Variants in DOK6 observed in about 807,000 individuals in gnomAD.
DOK6 encodes downstream of tyrosine kinase 6.
Under a neutral mutation model 44.0 loss-of-function variants are expected in DOK6, and 22 were observed. The ratio of observed to expected loss-of-function variants is 0.50; its 90% confidence interval spans 0.36 to 0.71. DOK6 has a LOEUF of 0.71. Ranked by LOEUF, DOK6 falls within the 30% of genes least tolerant of loss-of-function variation. DOK6 has a pLI of 0.00. For synonymous variants in DOK6, 166 were observed against 145.5 expected, an observed-to-expected ratio of 1.14 and a Z score of -1.01; for missense variants, 340 against 416.4, an observed-to-expected ratio of 0.82 and a Z score of 1.60.
At chr18:69,703,467 A>G (rs1189905179) in intron 5 of DOK6, among the ~76,000 whole-genome samples, 1 of 152,240 alleles carries the variant, frequency 6.6e-6, no homozygotes, top group Non-Finnish European at 1.5e-5. Flanking sequence ...AATATAATAT[A>G]GGAATTGTAA....
chr18:69,672,779 G>A (rs1358996749), intron 3 of DOK6, among the ~76,000 whole-genome samples: 1 of 151,738 alleles, frequency 6.6e-6, no homozygotes, highest in African/African-American at 2.4e-5. Context: ...AGAAAGTCAC[G>A]CCAGTTTTCA....
At chr18:69,585,003 T>C (rs1983466203) in intron 2 of DOK6, among the ~76,000 whole-genome samples, 1 of 101,132 alleles carries the variant, frequency 9.9e-6, no homozygotes, top group African/African-American at 2.5e-5. Flanking sequence ...AAATGGAGCT[T>C]TTGTTTAGAT....
At chr18:69,770,352 T>G (rs189546101) in intron 7 of DOK6, among the ~76,000 whole-genome samples, 5 of 152,196 alleles carry the variant, frequency 3.3e-5, no homozygotes, top group African/African-American at 1.2e-4. Flanking sequence ...GAAAGTTACA[T>G]AACTACCTTG....
At chr18:69,796,708 C>T (rs892380223) in intron 7 of DOK6, among the ~76,000 whole-genome samples, 3 of 152,192 alleles carry the variant, frequency 2.0e-5, no homozygotes, top group Non-Finnish European at 4.4e-5. Flanking sequence ...TGTACAAATA[C>T]TAGACAAAGC....
intron 1 of DOK6, among the ~76,000 whole-genome samples, chr18:69,409,141 C>T (rs1407661743): frequency 2.0e-5 from 3 of 152,116 alleles, no homozygotes. Context: ...AGGGGCTTCC[C>T]CCTTCACTGG....
intron 1 of DOK6, among the ~76,000 whole-genome samples, chr18:69,477,718 G>T (rs555274873): frequency 6.6e-6 from 1 of 152,220 alleles, no homozygotes; most frequent in African/African-American, 2.4e-5. Flanking sequence ...AAAAATTTTT[G>T]AACATTGATA....
intron 2 of DOK6, among the ~76,000 whole-genome samples, chr18:69,591,569 G>T (rs886116272): frequency 6.6e-6 from 1 of 151,164 alleles, no homozygotes; most frequent in Non-Finnish European, 1.5e-5. Context: ...CTCAAAACTG[G>T]ACTTTTCTGA....
In DOK6 at chr18:69,848,105, T is replaced by C. The variant is rs1210076579; in HGVS notation, c.*6722T>C. Reference sequence around the variant, plus strand: ...CACTCTGTGTGTTCCACTGAAGTTATCTTTTCCTTAATAGATTCACACAGA... The same window carrying C: ...CACTCTGTGTGTTCCACTGAAGTTACCTTTTCCTTAATAGATTCACACAGA... On this transcript the variant is annotated 3_prime_UTR_variant, in exon 8 of 8. Transcript: ENST00000382713. 2 of 152,136 alleles carry C rather than the reference T, an allele frequency of 1.3e-5. No homozygotes were observed. The highest frequency in any genetic ancestry group is 2.4e-5 in the African/African-American group (1 of 41,422). 9.4% of individuals were successfully genotyped at this position (152,136 alleles called of 1,614,324 possible).
chr18:69,480,754 T>C (rs896335213), intron 1 of DOK6, among the ~76,000 whole-genome samples: 38 of 152,092 alleles, frequency 2.5e-4, no homozygotes, highest in African/African-American at 6.5e-4. Flanking sequence ...CACAATACAG[T>C]GTGACGATTT....
rs375746029 is a variant in DOK6, at chr18:69,704,475, C to T, written c.599+5882C>T. On this transcript the variant is annotated intron_variant, in intron 5 of 7. Transcript: ENST00000382713. ...GTGTGTACATCAGGTCCAGATATGA[C>T]TTTTTTTTTTTTTTTTTTTTGGAGA... 1.0e-4 allele frequency among the ~76,000 whole-genome samples: 11 copies of T among 107,164 alleles called. No homozygotes were observed. In the East Asian group the frequency reaches 1.7e-3, roughly 16 times the overall value. The allele number at this position is 107,164 out of a possible 152,430, so 70.3% of individuals were successfully genotyped here.
chr18:69,698,983 T>C (rs78557080), intron 5 of DOK6, among the ~76,000 whole-genome samples: 5,979 of 152,336 alleles, frequency 0.039, 179 homozygotes, highest in East Asian at 0.095. Context: ...TGAGTGTTTT[T>C]TAATAAGCAA....
At chr18:69,435,930 C>T (rs1017821006) in intron 1 of DOK6, among the ~76,000 whole-genome samples, 7 of 151,902 alleles carry the variant, frequency 4.6e-5, no homozygotes, top group Non-Finnish European at 5.9e-5. Context: ...GATAATATCC[C>T]TTTATTCCCT....
chr18:69,668,736 C>T (rs912186618), intron 3 of DOK6, among the ~76,000 whole-genome samples: 5 of 151,888 alleles, frequency 3.3e-5, no homozygotes, highest in East Asian at 1.9e-4. Context: ...TTGATCATTC[C>T]GCAATGTATG....
Position 69,401,201 on chromosome 18 carries a change from C to A in DOK6, c.-44C>A, listed in dbSNP as rs762142661. 6.5e-7 allele frequency: 1 copy of A among 1,528,604 alleles called. No homozygotes were observed. The highest frequency in any genetic ancestry group is 8.8e-7 in the Non-Finnish European group (1 of 1,138,536). The allele number at this position is 1,528,604 out of a possible 1,614,324, so 94.7% of individuals were successfully genotyped here. A position where few individuals can be genotyped will look rare whatever the true frequency, so the allele number is the denominator to read the frequency against. On this transcript the variant is annotated 5_prime_UTR_variant, in exon 1 of 8. Coordinates refer to ENST00000382713, the MANE Select transcript of DOK6 (RefSeq NM_152721.6). The stretch of plus-strand genomic sequence containing the variant: ...CGGCGGCGGACGGCGGCTCTCGACT[C>A]CGGAGAGCGGATCGCGGGGCGCAGG...
Position 69,542,813 on chromosome 18 carries a change from G to T in DOK6, c.67-21674G>T, listed in dbSNP as rs759762594. On this transcript the variant is annotated intron_variant, in intron 1 of 7. Transcript: ENST00000382713. ...AGCTTTCATGACTCGTTCATGCAATGAGGTGAAAAGCTTCTGTTCATACAC... is the reference window on the plus strand; with the variant it reads ...AGCTTTCATGACTCGTTCATGCAATTAGGTGAAAAGCTTCTGTTCATACAC... Among the ~76,000 whole-genome samples the T allele has an allele frequency of 4.6e-5, 7 of 151,620 alleles. 1 individual carries two copies. The highest frequency in any genetic ancestry group is 7.4e-5 in the Non-Finnish European group (5 of 67,770).
chr18:69,634,294 G>T (rs1054973004), intron 3 of DOK6, among the ~76,000 whole-genome samples: 24 of 152,124 alleles, frequency 1.6e-4, no homozygotes, highest in Non-Finnish European at 3.1e-4. Flanking sequence ...TTTTCTCTTT[G>T]CACAGTTCTA....
chr18:69,665,889 G>C (rs750059565), intron 3 of DOK6, among the ~76,000 whole-genome samples: 1 of 151,842 alleles, frequency 6.6e-6, no homozygotes, highest in Non-Finnish European at 1.5e-5. Flanking sequence ...GTTTTGGTGG[G>C]AGAACCACCC....
chr18:69,461,170 A>AAC (rs908512225), intron 1 of DOK6, among the ~76,000 whole-genome samples: 3 of 152,036 alleles, frequency 2.0e-5, no homozygotes, highest in African/African-American at 4.8e-5. Flanking sequence ...ATACTTCAGA[A>AAC]ACACACACAC....
intron 1 of DOK6, among the ~76,000 whole-genome samples, chr18:69,417,756 T>C (rs1978378807): frequency 6.6e-6 from 1 of 152,146 alleles, no homozygotes; most frequent in Non-Finnish European, 1.5e-5. Flanking sequence ...GCCATTCTAA[T>C]TGGGGTGAGA....
Sources: allele counts gnomAD v4.1 joint callset (sites outside exome capture counted in the v4.1 genomes callset), GRCh38; gene constraint gnomAD v4.1.1; transcripts MANE v1.5; gene names NCBI Gene and HGNC (gene_info 2026-07-23, HGNC 2026-07-21).